ARB2A: variants seen among roughly 807,000 people sequenced by gnomAD.
ARB2A encodes cotranscriptional regulator ARB2A.
chr5:94,006,671 T>C, the ARB2A span, among the ~76,000 whole-genome samples: 4 of 152,174 alleles, frequency 2.6e-5, no homozygotes, highest in East Asian at 1.9e-4. Flanking sequence ...TTTTTTCTTA[T>C]AGTGGAAATT....
the ARB2A span, among the ~76,000 whole-genome samples, chr5:93,876,550 A>G: frequency 6.6e-6 from 1 of 152,236 alleles, no homozygotes; most frequent in East Asian, 1.9e-4. Flanking sequence ...GTAAAATAAA[A>G]TTATACTTTG....
chr5:94,092,976 T>C, the ARB2A span, among the ~76,000 whole-genome samples: 1 of 152,290 alleles, frequency 6.6e-6, no homozygotes, highest in East Asian at 1.9e-4. Context: ...ATTGAACTCT[T>C]TTCTAAATAT....
At chr5:93,805,701 A>G in the ARB2A span, 1 of 985,208 alleles carries the variant, frequency 1.0e-6, no homozygotes, top group East Asian at 1.1e-4. Flanking sequence ...TGACTAAATT[A>G]TATGTCAGAA....
chr5:94,058,023 AG>A, the ARB2A span, among the ~76,000 whole-genome samples: 1 of 152,184 alleles, frequency 6.6e-6, no homozygotes, highest in Non-Finnish European at 1.5e-5. Flanking sequence ...CCATACACAT[AG>A]GAGAAAAAAA....
At chr5:93,717,206 T>C in the ARB2A span, among the ~76,000 whole-genome samples, 1 of 152,168 alleles carries the variant, frequency 6.6e-6, no homozygotes, top group Non-Finnish European at 1.5e-5. Flanking sequence ...AGCTACTGCA[T>C]TGGTTAATTG....
the ARB2A span, among the ~76,000 whole-genome samples, chr5:94,067,287 A>G: frequency 1.3e-5 from 2 of 152,212 alleles, no homozygotes; most frequent in Non-Finnish European, 2.9e-5. Flanking sequence ...GAACAACACA[A>G]GGATGCCCAC....
the ARB2A span, among the ~76,000 whole-genome samples, chr5:93,699,664 G>T: frequency 2.2e-4 from 33 of 152,006 alleles, no homozygotes; most frequent in Admixed American, 2.1e-3. Flanking sequence ...CTTCAGGCTT[G>T]TGCTCAGACA....
the ARB2A span, among the ~76,000 whole-genome samples, chr5:93,926,133 CTT>C: frequency 1.4e-5 from 2 of 144,386 alleles, no homozygotes; most frequent in African/African-American, 2.5e-5. Flanking sequence ...ATTTCCAATT[CTT>C]TTTTTTTTTT....
chr5:94,042,037 G>A, the ARB2A span, among the ~76,000 whole-genome samples: 1 of 152,180 alleles, frequency 6.6e-6, no homozygotes, highest in African/African-American at 2.4e-5. Context: ...AGTGAAATGT[G>A]TTTCTGATAA....
At chr5:93,873,612 T>G in the ARB2A span, among the ~76,000 whole-genome samples, 4 of 152,236 alleles carry the variant, frequency 2.6e-5, no homozygotes, top group Non-Finnish European at 5.9e-5. Context: ...ACAGTTTCCC[T>G]TTTAAATGAA....
chr5:93,958,924 A>G, the ARB2A span: 6 of 1,605,744 alleles, frequency 3.7e-6, no homozygotes, highest in African/African-American at 6.7e-5. Flanking sequence ...AAGCATCCTC[A>G]CTCATAAAGA....
the ARB2A span, chr5:93,618,642 ATCACTTATCAGTTGG>A: frequency 6.6e-6 from 1 of 152,184 alleles, no homozygotes; most frequent in African/African-American, 2.4e-5. Context: ...AAAGAATCTG[ATCACTTATCAGTTGG>A]TGGTCTGGAA....
At chr5:93,677,333 A>C in the ARB2A span, among the ~76,000 whole-genome samples, 2 of 152,236 alleles carry the variant, frequency 1.3e-5, no homozygotes, top group East Asian at 3.8e-4. Flanking sequence ...CACAGATGAG[A>C]CCAAGATTCC....
At chr5:93,795,369 C>T in the ARB2A span, among the ~76,000 whole-genome samples, 13 of 152,198 alleles carry the variant, frequency 8.5e-5, no homozygotes, top group South Asian at 4.1e-4. Context: ...GAACTTGACC[C>T]AGACCATGAG....
chr5:93,654,916 TTTTGTG>T, the ARB2A span, among the ~76,000 whole-genome samples: 2 of 152,208 alleles, frequency 1.3e-5, no homozygotes, highest in African/African-American at 4.8e-5. Context: ...ACTACTACTT[TTTTGTG>T]TCTGGTTCCT....
the ARB2A span, among the ~76,000 whole-genome samples, chr5:93,970,019 T>G: frequency 6.6e-6 from 1 of 152,116 alleles, no homozygotes; most frequent in Non-Finnish European, 1.5e-5. Flanking sequence ...AACACAAAGT[T>G]TATTTTATTA....
chr5:93,637,384 T>G, the ARB2A span, among the ~76,000 whole-genome samples: 1 of 149,744 alleles, frequency 6.7e-6, no homozygotes, highest in African/African-American at 2.5e-5. Flanking sequence ...TTGACTATTA[T>G]GACTAAAGCT....
chr5:93,858,087 A>C, the ARB2A span, among the ~76,000 whole-genome samples: 1 of 152,240 alleles, frequency 6.6e-6, no homozygotes, highest in African/African-American at 2.4e-5. Context: ...AATCCAGAGG[A>C]AACAAGGTAC....
the ARB2A span, among the ~76,000 whole-genome samples, chr5:93,630,261 A>C: frequency 6.6e-6 from 1 of 152,194 alleles, no homozygotes; most frequent in African/African-American, 2.4e-5. Flanking sequence ...AGCCGGCCAC[A>C]CTGGGAGTAG....
Sources: allele counts gnomAD v4.1 joint callset (sites outside exome capture counted in the v4.1 genomes callset), GRCh38; gene constraint gnomAD v4.1.1; transcripts MANE v1.5; gene names NCBI Gene and HGNC (gene_info 2026-07-23, HGNC 2026-07-21).